SHISA6: variants seen among roughly 807,000 people sequenced by gnomAD.
SHISA6 encodes the protein shisa family member 6, also known as protein shisa-6.
Under a neutral mutation model 47.9 loss-of-function variants are expected in SHISA6, and 22 were observed. The observed-to-expected ratio is 0.46, with a 90% confidence interval of 0.33 to 0.66. The LOEUF (loss-of-function observed/expected upper bound fraction) is 0.66, where lower values mean the gene tolerates loss of function less well. Ranked by LOEUF, SHISA6 falls within the 30% of genes least tolerant of loss-of-function variation. The pLI is 0.02. For missense variants in SHISA6, 680 were observed against 764.6 expected (o/e 0.89, Z 1.30); for synonymous variants, 388 against 337.8 (o/e 1.15, Z -1.63).
At chr17:11,554,269 T>G (rs570173716) in intron 4 of SHISA6, among the ~76,000 whole-genome samples, 3 of 152,290 alleles carry the variant, frequency 2.0e-5, no homozygotes, top group African/African-American at 7.2e-5. Context: ...AGGCTCTTTC[T>G]GTACAGCATG....
intron 3 of SHISA6, among the ~76,000 whole-genome samples, chr17:11,495,798 A>G (rs2142342080): frequency 6.6e-6 from 1 of 152,306 alleles, no homozygotes; most frequent in East Asian, 1.9e-4. Flanking sequence ...GTTTCAAACC[A>G]TCAGGGAGTT....
intron 3 of SHISA6, among the ~76,000 whole-genome samples, chr17:11,463,091 T>C (rs987999369): frequency 6.6e-6 from 1 of 152,172 alleles, no homozygotes; most frequent in Admixed American, 6.5e-5. Flanking sequence ...CAAAGGATTA[T>C]CCAGGAACAG....
chr17:11,284,961 A>G (rs1002752844), intron 2 of SHISA6, among the ~76,000 whole-genome samples: 10 of 152,130 alleles, frequency 6.6e-5, no homozygotes, highest in Admixed American at 5.2e-4. Context: ...TGGTTTCTTA[A>G]CTGAGCCCTC....
chr17:11,398,768 T>C (rs1454533061), intron 3 of SHISA6, among the ~76,000 whole-genome samples: 1 of 152,076 alleles, frequency 6.6e-6, no homozygotes, highest in Non-Finnish European at 1.5e-5. Context: ...AATTTTTGTA[T>C]TTTTAGTAGA....
chr17:11,376,603 C>T (rs374273042), intron 2 of SHISA6, among the ~76,000 whole-genome samples: 22 of 152,038 alleles, frequency 1.4e-4, no homozygotes, highest in East Asian at 9.7e-4. Flanking sequence ...GGATTACAGA[C>T]GTGAGCCACT....
chr17:11,243,252 G>T (rs1907443841), intron 1 of SHISA6, among the ~76,000 whole-genome samples: 1 of 151,706 alleles, frequency 6.6e-6, no homozygotes. Context: ...CTGCCTTGCT[G>T]AAGAGAGAGA....
chr17:11,316,984 T>C (rs1288205875), intron 2 of SHISA6, among the ~76,000 whole-genome samples: 1 of 152,216 alleles, frequency 6.6e-6, no homozygotes, highest in Non-Finnish European at 1.5e-5. Flanking sequence ...CTCACTAATA[T>C]GTATTTTAAT....
chr17:11,545,780 T>C (rs545103152), intron 3 of SHISA6, among the ~76,000 whole-genome samples: 3 of 152,316 alleles, frequency 2.0e-5, no homozygotes, highest in African/African-American at 4.8e-5. Flanking sequence ...GGATGTTGGC[T>C]GTCAACTGAG....
intron 3 of SHISA6, among the ~76,000 whole-genome samples, chr17:11,422,588 G>T (rs1914479440): frequency 6.6e-6 from 1 of 152,012 alleles, no homozygotes; most frequent in Non-Finnish European, 1.5e-5. Flanking sequence ...TCATGGTAGT[G>T]TATCTCTACT....
At chr17:11,298,612 A>T (rs1909826839) in intron 2 of SHISA6, among the ~76,000 whole-genome samples, 1 of 152,228 alleles carries the variant, frequency 6.6e-6, no homozygotes, top group Non-Finnish European at 1.5e-5. Flanking sequence ...GGTCAGTGCC[A>T]TGGCAGCTGG....
chr17:11,497,960 GT>G (rs1220937996), intron 3 of SHISA6, among the ~76,000 whole-genome samples: 2 of 152,182 alleles, frequency 1.3e-5, no homozygotes, highest in Non-Finnish European at 2.9e-5. Context: ...CAGGTATTGG[GT>G]TCTCTTTCTT....
At chr17:11,416,296 T>C (rs1302145935) in intron 3 of SHISA6, among the ~76,000 whole-genome samples, 1 of 152,194 alleles carries the variant, frequency 6.6e-6, no homozygotes, top group East Asian at 1.9e-4. Flanking sequence ...TTAAAGTATA[T>C]TTGTTTGTTT....
chr17:11,443,416 C>A (rs559621722), intron 3 of SHISA6, among the ~76,000 whole-genome samples: 2 of 152,152 alleles, frequency 1.3e-5, no homozygotes, highest in East Asian at 3.9e-4. Flanking sequence ...GCAAAAGAAA[C>A]AATAATAAGA....
At chr17:11,448,224 G>A (rs1220420573) in intron 3 of SHISA6, among the ~76,000 whole-genome samples, 1 of 129,656 alleles carries the variant, frequency 7.7e-6, no homozygotes. Context: ...TTTGGGGCGG[G>A]CTTAATCTTT....
At chr17:11,327,163 C>T (rs1910925675) in intron 2 of SHISA6, among the ~76,000 whole-genome samples, 2 of 152,186 alleles carry the variant, frequency 1.3e-5, no homozygotes, top group African/African-American at 4.8e-5. Context: ...GGTGCAGAGT[C>T]AGAGACCACA....
At chr17:11,292,162 A>G (rs951803747) in intron 2 of SHISA6, among the ~76,000 whole-genome samples, 12 of 152,024 alleles carry the variant, frequency 7.9e-5, no homozygotes, top group African/African-American at 2.9e-4. Flanking sequence ...ACCTCCACCC[A>G]CAAAGATCTC....
In SHISA6 at chr17:11,482,828, G is replaced by C. The variant is rs183404735; in HGVS notation, c.896-69068G>C. Among the ~76,000 whole-genome samples, 14 of 152,164 alleles carry C rather than the reference G, an allele frequency of 9.2e-5. No homozygotes were observed. The East Asian group carries it at 2.7e-3, about 29-fold the overall frequency. Reference sequence around the variant, plus strand: ...CCTCCTGTATGTAAATAAGTCATTAGGTACTGCTTCATTAATGACTGTCAT... The same window carrying C: ...CCTCCTGTATGTAAATAAGTCATTACGTACTGCTTCATTAATGACTGTCAT... On this transcript the variant is annotated intron_variant, in intron 3 of 5. Transcript: ENST00000441885.
chr17:11,259,118 T>A (rs982073944), intron 1 of SHISA6, among the ~76,000 whole-genome samples: 1 of 150,446 alleles, frequency 6.6e-6, no homozygotes, highest in Non-Finnish European at 1.5e-5. Context: ...AGATAGGAGG[T>A]GACTGGATGG....
intron 2 of SHISA6, among the ~76,000 whole-genome samples, chr17:11,331,621 G>A (rs1175091365): frequency 6.6e-6 from 1 of 152,074 alleles, no homozygotes; most frequent in Admixed American, 6.6e-5. Flanking sequence ...CCCCATGCAT[G>A]CACTCACAAT....
Sources: gnomAD v4.1 joint callset for allele counts (sites outside exome capture counted in the v4.1 genomes callset) on GRCh38, gnomAD v4.1.1 for gene constraint, MANE v1.5 for transcripts, NCBI Gene and HGNC (gene_info 2026-07-23, HGNC 2026-07-21) for gene names.